The following HCN1 variants were observed in gnomAD, a reference collection of about 807,000 sequenced individuals.
The protein encoded by HCN1 is potassium/sodium hyperpolarization-activated cyclic nucleotide-gated channel 1.
A neutral mutation model predicts 78.9 loss-of-function variants in HCN1; 13 were observed. The observed-to-expected ratio is 0.16, with a 90% CI of 0.11 to 0.26. The LOEUF (loss-of-function observed/expected upper bound fraction) is 0.26. Ranked by LOEUF, HCN1 falls within the 10% of genes least tolerant of loss-of-function variation. HCN1 has a pLI of 1.00. For missense variants in HCN1, 810 were observed against 1,154.3 expected, an observed-to-expected ratio of 0.70 and a Z score of 4.32; for synonymous variants, 552 against 455.5, an observed-to-expected ratio of 1.21 and a Z score of -2.70.
At chr5:45,510,610 G>T (rs1742394726) in intron 2 of HCN1, among the ~76,000 whole-genome samples, 1 of 152,008 alleles carries the variant, frequency 6.6e-6, no homozygotes, top group African/African-American at 2.4e-5. Context: ...GATTAGAAGA[G>T]AAAATTTTAC....
At chr5:45,479,124 TAAA>T (rs1160851737) in intron 2 of HCN1, among the ~76,000 whole-genome samples, 3 of 137,114 alleles carry the variant, frequency 2.2e-5, no homozygotes, top group African/African-American at 5.3e-5. Context: ...GAGACTGTTT[TAAA>T]AAAAAAAAAA....
intron 2 of HCN1, chr5:45,558,817 A>T (rs1194746772): frequency 6.6e-6 from 1 of 151,816 alleles, no homozygotes; most frequent in Non-Finnish European, 1.5e-5. Flanking sequence ...CACCCAGGCT[A>T]GAGTGTGGTG....
intron 3 of HCN1, among the ~76,000 whole-genome samples, chr5:45,411,283 C>A (rs1461674581): frequency 6.6e-6 from 1 of 151,974 alleles, no homozygotes; most frequent in Non-Finnish European, 1.5e-5. Context: ...ATTTGGAAAT[C>A]TGTTAGCAAA....
chr5:45,437,527 C>T (rs558561113), intron 3 of HCN1, among the ~76,000 whole-genome samples: 14 of 152,162 alleles, frequency 9.2e-5, no homozygotes, highest in Non-Finnish European at 7.4e-5. Context: ...CATCCATTCA[C>T]ATTCATGGTA....
rs1740889064 is a variant in HCN1 at position 45,450,171 on chromosome 5, C to T, written c.1011+11675G>A. On this transcript the variant is annotated intron_variant, in intron 3 of 7. Transcript: ENST00000303230. ...TTGTGGTTATCTTTCAAAGTGTTGC[C>T]TCAAGAGAGGTTTTGATAAGCTTCA... Among the ~76,000 whole-genome samples the T allele has an allele frequency of 2.0e-5, 3 of 152,266 alleles. No homozygotes were observed. The South Asian group carries it at 6.2e-4, about 32-fold the overall frequency.
At chr5:45,444,702 T>C (rs960041684) in intron 3 of HCN1, among the ~76,000 whole-genome samples, 2 of 152,160 alleles carry the variant, frequency 1.3e-5, no homozygotes, top group Non-Finnish European at 2.9e-5. Context: ...CCCAGCATAC[T>C]AGCCACTTCT....
chr5:45,687,861 C>T (rs1487982476), intron 1 of HCN1, among the ~76,000 whole-genome samples: 4 of 152,114 alleles, frequency 2.6e-5, no homozygotes, highest in Non-Finnish European at 5.9e-5. Flanking sequence ...TGAAATGTCT[C>T]CCTTTGGAGG....
chr5:45,373,342 A>G (rs1288490894), intron 4 of HCN1, among the ~76,000 whole-genome samples: 46 of 118,688 alleles, frequency 3.9e-4, no homozygotes, highest in African/African-American at 1.5e-3. Context: ...TATTTAATAT[A>G]TAAAATATAT....
At chr5:45,482,129 A>G (rs1741667155) in intron 2 of HCN1, among the ~76,000 whole-genome samples, 1 of 152,196 alleles carries the variant, frequency 6.6e-6, no homozygotes, top group African/African-American at 2.4e-5. Flanking sequence ...CTCCACTATT[A>G]TAAAAAACCT....
At chr5:45,669,936 T>C (rs1265971701) in intron 1 of HCN1, among the ~76,000 whole-genome samples, 1 of 151,726 alleles carries the variant, frequency 6.6e-6, no homozygotes. Context: ...TAGATGAGTT[T>C]ATGGTGTTTC....
intron 3 of HCN1, among the ~76,000 whole-genome samples, chr5:45,443,420 T>C (rs918691957): frequency 6.6e-6 from 1 of 152,068 alleles, no homozygotes; most frequent in Non-Finnish European, 1.5e-5. Flanking sequence ...GAGTCACAGG[T>C]GTTTGGTTGG....
At chr5:45,362,524 C>A (rs1429100499) in intron 4 of HCN1, among the ~76,000 whole-genome samples, 2 of 152,038 alleles carry the variant, frequency 1.3e-5, no homozygotes, top group African/African-American at 4.8e-5. Context: ...GCTACTCTTT[C>A]ACCTGTATTT....
intron 2 of HCN1, among the ~76,000 whole-genome samples, chr5:45,469,450 G>A (rs1467211749): frequency 1.3e-5 from 2 of 151,884 alleles, no homozygotes; most frequent in African/African-American, 4.8e-5. Flanking sequence ...TCAAATGGCT[G>A]CAAATGTAGA....
intron 3 of HCN1, among the ~76,000 whole-genome samples, chr5:45,432,190 GACT>G (rs1173211519): frequency 6.6e-6 from 1 of 151,810 alleles, no homozygotes; most frequent in Non-Finnish European, 1.5e-5. Flanking sequence ...TTCTTTTTGT[GACT>G]ACTTTGAATG....
At chr5:45,615,039 T>C (rs992463089) in intron 2 of HCN1, among the ~76,000 whole-genome samples, 1 of 151,452 alleles carries the variant, frequency 6.6e-6, no homozygotes, top group African/African-American at 2.4e-5. Context: ...AAATTGTCTC[T>C]ATATCTCAAT....
intron 2 of HCN1, among the ~76,000 whole-genome samples, chr5:45,580,827 T>C (rs1224756846): frequency 1.3e-5 from 2 of 152,160 alleles, no homozygotes; most frequent in Non-Finnish European, 2.9e-5. Flanking sequence ...CTGAGAATGA[T>C]GGCTTCCAGC....
intron 6 of HCN1, among the ~76,000 whole-genome samples, chr5:45,289,329 G>A (rs536282868): frequency 3.3e-5 from 5 of 152,128 alleles, no homozygotes; most frequent in Non-Finnish European, 7.4e-5. Flanking sequence ...AGTGGAGAAT[G>A]AAAGTATATT....
intron 3 of HCN1, among the ~76,000 whole-genome samples, chr5:45,409,888 A>C (rs1379123716): frequency 6.6e-6 from 1 of 151,804 alleles, no homozygotes; most frequent in Admixed American, 6.6e-5. Flanking sequence ...AACTTTATTC[A>C]AATCTAGTAT....
At chr5:45,568,433 G>A (rs908998758) in intron 2 of HCN1, among the ~76,000 whole-genome samples, 2 of 151,932 alleles carry the variant, frequency 1.3e-5, no homozygotes, top group African/African-American at 2.4e-5. Flanking sequence ...AAATTGGAAT[G>A]AAATAGAACT....
Sources: gnomAD v4.1 joint callset for allele counts (sites outside exome capture counted in the v4.1 genomes callset) on GRCh38, gnomAD v4.1.1 for gene constraint, MANE v1.5 for transcripts, NCBI Gene and HGNC (gene_info 2026-07-23, HGNC 2026-07-21) for gene names.